The following CSMD1 variants were observed in gnomAD, a reference collection of about 807,000 sequenced individuals.
CSMD1 encodes the protein CUB and sushi domain-containing protein 1.
In CSMD1, 213 loss-of-function variants were observed where a neutral mutation model predicts 417.5. That is an observed-to-expected ratio of 0.51 (90% CI 0.46 to 0.57). The LOEUF is 0.57. CSMD1 is among the 20% of genes least tolerant of loss of function. CSMD1 has a pLI of 0.00. For missense variants in CSMD1, 6,923 were observed against 4,529.7 expected (o/e 1.53, Z -15.17); for synonymous variants, 2,862 against 1,736.8 (o/e 1.65, Z -16.11).
At chr8:3,027,699 A>T (rs1319413576) in intron 51 of CSMD1, among the ~76,000 whole-genome samples, 4 of 152,154 alleles carry the variant, frequency 2.6e-5, no homozygotes, top group Admixed American at 1.3e-4. Flanking sequence ...ATGATAAATG[A>T]TGTGTGGGGG....
intron 52 of CSMD1, among the ~76,000 whole-genome samples, chr8:3,003,535 G>T (rs1004247018): frequency 6.6e-6 from 1 of 152,148 alleles, no homozygotes; most frequent in Non-Finnish European, 1.5e-5. Flanking sequence ...CCTTTACATT[G>T]TCTCCTATGT....
chr8:4,403,733 T>C (rs1804819081), intron 3 of CSMD1, among the ~76,000 whole-genome samples: 1 of 152,230 alleles, frequency 6.6e-6, no homozygotes, highest in Non-Finnish European at 1.5e-5. Context: ...TGCCTGCTGA[T>C]GACCTCATCT....
chr8:3,464,664 A>G (rs1483340529), intron 12 of CSMD1, among the ~76,000 whole-genome samples: 1 of 151,082 alleles, frequency 6.6e-6, no homozygotes, highest in Admixed American at 6.6e-5. Flanking sequence ...TTATATATAA[A>G]TTGTATATGT....
intron 3 of CSMD1, among the ~76,000 whole-genome samples, chr8:4,355,835 G>A (rs73175735): frequency 0.023 from 3,530 of 152,310 alleles, 51 homozygotes; most frequent in Non-Finnish European, 0.033. Flanking sequence ...TAGATTCCAG[G>A]CCGAAAGTAG....
chr8:4,982,422 C>G (rs2117438662), intron 1 of CSMD1, among the ~76,000 whole-genome samples: 1 of 152,290 alleles, frequency 6.6e-6, no homozygotes, highest in African/African-American at 2.4e-5. Flanking sequence ...ATAAAATTAT[C>G]TTGCTACAAA....
At chr8:4,307,962 C>T (rs1411294194) in intron 3 of CSMD1, among the ~76,000 whole-genome samples, 8 of 152,116 alleles carry the variant, frequency 5.3e-5, no homozygotes. Flanking sequence ...AGGAGAGACA[C>T]ACCTGAAGAA....
At chr8:3,871,527 T>G (rs1249815113) in intron 5 of CSMD1, among the ~76,000 whole-genome samples, 1 of 152,206 alleles carries the variant, frequency 6.6e-6, no homozygotes, top group Non-Finnish European at 1.5e-5. Context: ...TGAATAATGC[T>G]TGATTTTAAT....
At chr8:4,854,151 T>C (rs780575577) in intron 1 of CSMD1, among the ~76,000 whole-genome samples, 3 of 152,142 alleles carry the variant, frequency 2.0e-5, no homozygotes, top group Non-Finnish European at 4.4e-5. Context: ...TGGGGGCTAT[T>C]GGCAGGAGAT....
intron 15 of CSMD1, among the ~76,000 whole-genome samples, chr8:3,401,227 T>C (rs1585109178): frequency 2.0e-5 from 3 of 152,198 alleles, no homozygotes; most frequent in East Asian, 1.9e-4. Flanking sequence ...ATTATGATAG[T>C]TGAGCAATTT....
intron 23 of CSMD1, among the ~76,000 whole-genome samples, chr8:3,339,502 C>T (rs1807501543): frequency 6.6e-6 from 1 of 152,166 alleles, no homozygotes; most frequent in South Asian, 2.1e-4. Context: ...AGATTTATCT[C>T]ATCAGAGGGC....
chr8:3,806,147 G>A (rs1343959854), intron 5 of CSMD1, among the ~76,000 whole-genome samples: 1 of 152,090 alleles, frequency 6.6e-6, no homozygotes, highest in Non-Finnish European at 1.5e-5. Context: ...GCACAGTTCT[G>A]CCTGACACAA....
intron 3 of CSMD1, among the ~76,000 whole-genome samples, chr8:4,250,775 A>T (rs1585097731): frequency 6.6e-6 from 1 of 152,304 alleles, no homozygotes; most frequent in East Asian, 1.9e-4. Context: ...TATGCCAGTA[A>T]CTCAAAAATT....
chr8:4,175,513 C>T (rs772067241), intron 3 of CSMD1, among the ~76,000 whole-genome samples: 1 of 152,120 alleles, frequency 6.6e-6, no homozygotes, highest in South Asian at 2.1e-4. Context: ...ACAAAGACAA[C>T]TGATAGAAGC....
chr8:3,385,084 T>G lies in CSMD1; in HGVS notation c.2782+2410A>C, dbSNP rs867876335. ...ATAATATATAAATATATATATAATTTATATATAAAATATATATATAAATAA... is the reference window on the plus strand; with the variant it reads ...ATAATATATAAATATATATATAATTGATATATAAAATATATATATAAATAA... On this transcript the variant is annotated intron_variant, in intron 18 of 69. Transcript: ENST00000635120. Among the ~76,000 whole-genome samples, 50 of 103,708 alleles carry G rather than the reference T, an allele frequency of 4.8e-4. No individual in the cohort carries two copies. In the South Asian group the frequency reaches 0.011, roughly 23 times the overall value. 68.0% of individuals were successfully genotyped at this position (103,708 alleles called of 152,430 possible).
chr8:4,694,566 TA>T (rs1806994258), intron 1 of CSMD1, among the ~76,000 whole-genome samples: 1 of 151,946 alleles, frequency 6.6e-6, no homozygotes, highest in Non-Finnish European at 1.5e-5. Flanking sequence ...GGTTTCACCA[TA>T]TTAGCCAGGA....
rs1563296595 is a variant in CSMD1, at chr8:3,348,093, C to T, written c.3373G>A (p.Asp1125Asn). The change falls in exon 22 of 70, where the codon GAT becomes AAT. Residue 1125 changes from aspartate (D) to asparagine (N), a missense_variant. Physicochemically the swap from Asp to Asn is conservative, Grantham distance 23 (BLOSUM62 1). Transcript: ENST00000635120. The stretch of plus-strand genomic sequence containing the variant: ...TTATAGATACACTCATGGTTATTAT[C>T]ATAATTGGATGGAAAATTTGGAGAC... ...LLSPNFPSNYDNNHECIYKIE... is the reference protein window; with the variant it reads ...LLSPNFPSNYNNNHECIYKIE... The T allele has an allele frequency of 6.2e-7, 1 of 1,612,604 alleles. No individual in the cohort carries two copies. Among genetic ancestry groups the T allele is most frequent in the Non-Finnish European group, 8.5e-7 (1 of 1,179,282 alleles).
intron 7 of CSMD1, among the ~76,000 whole-genome samples, chr8:3,693,265 G>A (rs1000539939): frequency 6.6e-6 from 1 of 152,130 alleles, no homozygotes; most frequent in Non-Finnish European, 1.5e-5. Flanking sequence ...CAAGTAGGAT[G>A]CAAGGTCACT....
chr8:4,494,660 C>A (rs1801890376), intron 2 of CSMD1, among the ~76,000 whole-genome samples: 1 of 151,986 alleles, frequency 6.6e-6, no homozygotes, highest in South Asian at 2.1e-4. Flanking sequence ...TACTTGGCAT[C>A]TTCATCACCA....
At position 3,182,621 on chromosome 8, in the gene CSMD1, TG is replaced by T. The variant is rs1332516241; in HGVS notation, c.5621-1408del. On this transcript the variant is annotated intron_variant, in intron 36 of 69. Transcript: ENST00000635120. The stretch of plus-strand genomic sequence containing the variant: ...GTGTGTGTGTGTGTGTGTGTGTGTG[TG>T]TGTGTGTGTGTATTGTTAGTAGAGA... Among the ~76,000 whole-genome samples the T allele has an allele frequency of 2.3e-3, 138 of 60,640 alleles. 3 individuals carry two copies. The highest frequency in any genetic ancestry group is 5.3e-3 in the African/African-American group (130 of 24,318). 39.8% of individuals were successfully genotyped at this position (60,640 alleles called of 152,430 possible).
Sources: gnomAD v4.1 joint callset for allele counts (sites outside exome capture counted in the v4.1 genomes callset) on GRCh38, gnomAD v4.1.1 for gene constraint, MANE v1.5 for transcripts, NCBI Gene and HGNC (gene_info 2026-07-23, HGNC 2026-07-21) for gene names.